Variants in SLC8A1 observed in about 807,000 individuals in gnomAD.
The protein encoded by SLC8A1 is sodium/calcium exchanger 1.
SLC8A1 carries 18 observed loss-of-function variants against 68.3 expected under a neutral mutation model. That is an observed-to-expected ratio of 0.26 (90% confidence interval 0.18 to 0.39). The LOEUF is 0.39. SLC8A1 is among the 10% of genes least tolerant of loss of function. The probability of loss-of-function intolerance (pLI) is 1.00; values close to 1 mark genes in which losing one functional copy is unlikely to be tolerated. For synonymous variants in SLC8A1, 475 were observed against 415.5 expected (o/e 1.14, Z -1.74); for missense variants, 985 against 1,156.7 (o/e 0.85, Z 2.15).
At chr2:40,323,872 G>A (rs1228575047) in intron 2 of SLC8A1, among the ~76,000 whole-genome samples, 1 of 152,146 alleles carries the variant, frequency 6.6e-6, no homozygotes, top group Non-Finnish European at 1.5e-5. Context: ...TAGGAAACTA[G>A]TATGAGAAAG....
At chr2:40,249,663 T>G (rs1447245302) in intron 2 of SLC8A1, among the ~76,000 whole-genome samples, 1 of 152,216 alleles carries the variant, frequency 6.6e-6, no homozygotes, top group Non-Finnish European at 1.5e-5. Context: ...TTAAAGTCAG[T>G]GTGACTATTA....
intron 2 of SLC8A1, among the ~76,000 whole-genome samples, chr2:40,318,022 G>A (rs529623685): frequency 6.6e-6 from 1 of 152,154 alleles, no homozygotes; most frequent in South Asian, 2.1e-4. Flanking sequence ...CAAGAGACCA[G>A]TGCAAGCTTT....
chr2:40,226,076 T>A (rs1016957494), intron 2 of SLC8A1, among the ~76,000 whole-genome samples: 1 of 152,258 alleles, frequency 6.6e-6, no homozygotes, highest in East Asian at 1.9e-4. Context: ...CTGGATAACT[T>A]ACATATTTTA....
intron 2 of SLC8A1, among the ~76,000 whole-genome samples, chr2:40,229,180 T>C (rs182320719): frequency 8.7e-4 from 132 of 152,252 alleles, no homozygotes; most frequent in Non-Finnish European, 9.3e-4. Context: ...GTAAACTGAA[T>C]TGGTTCCTTA....
chr2:40,411,574 A>T (rs1258287835), intron 2 of SLC8A1, among the ~76,000 whole-genome samples: 2 of 152,000 alleles, frequency 1.3e-5, no homozygotes, highest in African/African-American at 4.8e-5. Flanking sequence ...TTTATGTATA[A>T]ACGTTGTCTT....
intron 2 of SLC8A1, among the ~76,000 whole-genome samples, chr2:40,272,043 A>G (rs2066103874): frequency 1.3e-5 from 2 of 151,378 alleles, no homozygotes; most frequent in African/African-American, 2.4e-5. Context: ...TTTTTTTGGT[A>G]TTATTTATAG....
At chr2:40,378,324 G>C (rs763535249) in intron 2 of SLC8A1, among the ~76,000 whole-genome samples, 14 of 152,106 alleles carry the variant, frequency 9.2e-5, no homozygotes, top group Non-Finnish European at 1.3e-4. Context: ...AGTGAGTTAA[G>C]CAGGTATGTG....
intron 1 of SLC8A1, among the ~76,000 whole-genome samples, chr2:40,449,190 A>AAC (rs397827602): frequency 6.7e-6 from 1 of 149,946 alleles, no homozygotes; most frequent in Non-Finnish European, 1.5e-5. Flanking sequence ...ACAAAAAAAA[A>AAC]CACACAGACA....
At chr2:40,478,962 G>C (rs1704463441) in intron 1 of SLC8A1, among the ~76,000 whole-genome samples, 1 of 151,968 alleles carries the variant, frequency 6.6e-6, no homozygotes, top group Non-Finnish European at 1.5e-5. Flanking sequence ...AGTAGAGACG[G>C]GGTTTCACCA....
intron 2 of SLC8A1, among the ~76,000 whole-genome samples, chr2:40,415,587 A>G (rs1359751136): frequency 6.6e-6 from 1 of 152,126 alleles, no homozygotes; most frequent in Non-Finnish European, 1.5e-5. Flanking sequence ...GCTGTATTAC[A>G]AAAAAGGATA....
At chr2:40,170,985 T>C (rs1030962778) in intron 4 of SLC8A1, among the ~76,000 whole-genome samples, 2 of 152,068 alleles carry the variant, frequency 1.3e-5, no homozygotes, top group African/African-American at 4.8e-5. Context: ...TAACCTAGGG[T>C]TAACCTAGGC....
chr2:40,174,658 T>C (rs759042595), intron 4 of SLC8A1, 48 bp downstream of exon 6: 1 of 1,440,176 alleles, frequency 6.9e-7, no homozygotes, highest in East Asian at 2.3e-5. Flanking sequence ...GATTGATGGT[T>C]AAGGGTATTT....
At chr2:40,491,915 C>A (rs1705341069) in intron 1 of SLC8A1, among the ~76,000 whole-genome samples, 1 of 152,240 alleles carries the variant, frequency 6.6e-6, no homozygotes, top group African/African-American at 2.4e-5. Context: ...AATGGCCATA[C>A]TGCCAAGGTA....
At chr2:40,156,569 G>A (rs114467093) in intron 6 of SLC8A1, among the ~76,000 whole-genome samples, 1,729 of 152,076 alleles carry the variant, frequency 0.011, 34 homozygotes, top group African/African-American at 0.039. Context: ...AAGCCTATGG[G>A]TGCACCTAGG....
At chr2:40,452,423 C>T (rs1194401336), upstream of SLC8A1, among the ~76,000 whole-genome samples, 1 of 152,150 alleles carries the variant, frequency 6.6e-6, no homozygotes, top group Non-Finnish European at 1.5e-5. Flanking sequence ...CCCCGCAGTG[C>T]GTTGTGGCCG....
intron 3 of SLC8A1, among the ~76,000 whole-genome samples, chr2:40,175,729 C>T (rs2048354881): frequency 6.6e-6 from 1 of 151,992 alleles, no homozygotes; most frequent in Non-Finnish European, 1.5e-5. Context: ...TTAAATCACC[C>T]AGGAACTCAG....
chr2:40,333,202 G>C (rs984940300), intron 2 of SLC8A1, among the ~76,000 whole-genome samples: 1 of 151,902 alleles, frequency 6.6e-6, no homozygotes, highest in Non-Finnish European at 1.5e-5. Context: ...ACTTTGGGAG[G>C]CCAAGGCGGG....
intron 2 of SLC8A1, among the ~76,000 whole-genome samples, chr2:40,297,898 G>C (rs1377513984): frequency 1.3e-5 from 2 of 151,772 alleles, no homozygotes; most frequent in African/African-American, 4.8e-5. Flanking sequence ...TTGTTTTTTT[G>C]AAATAAAGTC....
chr2:40,448,761 T>A (rs542130960), intron 1 of SLC8A1, among the ~76,000 whole-genome samples: 2 of 152,160 alleles, frequency 1.3e-5, no homozygotes, highest in South Asian at 2.1e-4. Flanking sequence ...GAGGTTATGA[T>A]GAAGGATTTA....
Sources: allele counts gnomAD v4.1 joint callset (sites outside exome capture counted in the v4.1 genomes callset), GRCh38; gene constraint gnomAD v4.1.1; transcripts MANE v1.5; gene names NCBI Gene and HGNC (gene_info 2026-07-23, HGNC 2026-07-21).